The following MTSS2 variants were observed in gnomAD, a reference collection of about 807,000 sequenced individuals.
MTSS2 encodes protein MTSS 2.
MTSS2 carries 27 observed loss-of-function variants against 67.1 expected under a neutral mutation model. The observed-to-expected ratio is 0.40, with a 90% CI of 0.30 to 0.55. MTSS2 has a LOEUF of 0.55. Among genes scored for constraint, MTSS2 ranks in the 20% least tolerant of loss-of-function variants. The pLI, the probability that MTSS2 is intolerant of heterozygous loss-of-function variation, is 0.43. For synonymous variants in MTSS2, 624 were observed against 468.6 expected (o/e 1.33, Z -4.28); for missense variants, 1,171 against 1,067.8 (o/e 1.10, Z -1.35).
chr16:70,677,338 G>C (rs947999481), intron 9 of MTSS2, among the ~76,000 whole-genome samples: 1 of 152,196 alleles, frequency 6.6e-6, no homozygotes. Context: ...TGCTGGGCAT[G>C]CAACAAGTGC....
intron 11 of MTSS2, chr16:70,665,938 C>G (rs537272797): frequency 1.6e-4 from 28 of 179,282 alleles, no homozygotes; most frequent in Non-Finnish European, 2.9e-4. Flanking sequence ...TGTGAAGCCC[C>G]GAGTGCCACG....
In MTSS2 at chr16:70,663,469, T is replaced by A; in HGVS notation, c.*208A>T. 1 of 953,280 alleles carries A rather than the reference T, an allele frequency of 1.0e-6. No homozygotes were observed. Among genetic ancestry groups the A allele is most frequent in the South Asian group, 1.8e-5 (1 of 54,668 alleles). 59.1% of individuals were successfully genotyped at this position (953,280 alleles called of 1,614,324 possible). A position where few individuals can be genotyped will look rare whatever the true frequency, so the allele number is the denominator to read the frequency against. ...ACAGACCCCGAACCAGGCCCAGGCC[T>A]GCAGGCTCCGTCCTGGCCAGGCTTG... On this transcript the variant is annotated 3_prime_UTR_variant, in exon 15 of 15. Transcript: ENST00000338779.
In MTSS2 at chr16:70,679,303, C is replaced by A. The variant is rs779928196; in HGVS notation, c.466+12G>T. 6.2e-7 allele frequency: 1 copy of A among 1,613,890 alleles called. No homozygotes were observed. The highest frequency in any genetic ancestry group is 8.5e-7 in the Non-Finnish European group (1 of 1,179,926). On this transcript the variant is annotated intron_variant, in intron 7 of 14. Transcript: ENST00000338779. ...CGGGAGGAGCAGCTGGAGGGACCGACATTTGACTTACCAAGTAGCTCTACA... is the reference window on the plus strand; with the variant it reads ...CGGGAGGAGCAGCTGGAGGGACCGAAATTTGACTTACCAAGTAGCTCTACA...
intron 1 of MTSS2, among the ~76,000 whole-genome samples, chr16:70,681,455 G>T (rs1024126936): frequency 1.3e-5 from 2 of 152,248 alleles, no homozygotes; most frequent in Non-Finnish European, 2.9e-5. Flanking sequence ...GCCCACCAGG[G>T]GCAGAGGCAC....
chr16:70,665,575 G>A (rs774740813), intron 11 of MTSS2, 35 bp from the exon 12 acceptor site: 1 of 1,529,450 alleles, frequency 6.5e-7, no homozygotes, highest in South Asian at 1.2e-5. Context: ...GTTGCAGACA[G>A]AGGGGCCGGC....
intron 11 of MTSS2, 76 bp downstream of exon 11, chr16:70,674,215 AACAGCTATAGTAGTC>A: frequency 3.8e-6 from 3 of 798,450 alleles, no homozygotes; most frequent in Non-Finnish European, 5.5e-6. Context: ...TAGTAGTCTC[AACAGCTATAGTAGTC>A]CCGCATGTGG....
rs527536386 is a variant in MTSS2 at position 70,685,625 on chromosome 16, G to T, written c.69+98C>A. 9.6e-4 allele frequency: 653 copies of T among 681,880 alleles called. 2 individuals carry two copies. Among genetic ancestry groups the T allele is most frequent in the Admixed American group, 3.8e-3 (68 of 17,870 alleles). The allele number at this position is 681,880 out of a possible 1,614,324, so 42.2% of individuals were successfully genotyped here. A position where few individuals can be genotyped will look rare whatever the true frequency, so the allele number is the denominator to read the frequency against. ...TCAGACAAGGACACACAGACACCGC[G>T]GCGCGCGGCCACACGAGGCTCGGCC... On this transcript the variant is annotated intron_variant, in intron 1 of 14. Transcript: ENST00000338779.
intron 11 of MTSS2, among the ~76,000 whole-genome samples, chr16:70,669,540 G>T (rs915457861): frequency 6.6e-6 from 1 of 152,024 alleles, no homozygotes; most frequent in African/African-American, 2.4e-5. Flanking sequence ...TGAAAGCTGG[G>T]CATGGTGGCT....
chr16:70,680,698 C>T, intron 3 of MTSS2, 96 bp downstream of exon 3: 5 of 1,102,802 alleles, frequency 4.5e-6, no homozygotes, highest in South Asian at 1.5e-5. Flanking sequence ...CTGGGCTTGG[C>T]GTCCCGTCCT....
chr16:70,667,500 T>G (rs2052761122), intron 11 of MTSS2, among the ~76,000 whole-genome samples: 1 of 152,096 alleles, frequency 6.6e-6, no homozygotes, highest in Non-Finnish European at 1.5e-5. Context: ...AACATCAGTG[T>G]AATTTACGAT....
rs1461395725 is a variant in MTSS2 at position 70,679,665 on chromosome 16, G to A, written c.422C>T (p.Ser141Leu). 23 of 1,610,400 alleles carry A rather than the reference G, an allele frequency of 1.4e-5. No individual in the cohort carries two copies. Among genetic ancestry groups the A allele is most frequent in the East Asian group, 2.2e-5 (1 of 44,790 alleles). The part of the protein sequence containing the change: ...RARHEIKKKS[S>L]DTLKLQKKAR... ...CTTCTTCTGCAGCTTCAGCGTGTCCGACGACTTCTTTTTGATCTCATGCCG... is the reference window on the plus strand; with the variant it reads ...CTTCTTCTGCAGCTTCAGCGTGTCCAACGACTTCTTTTTGATCTCATGCCG... Residue 141 changes from serine to leucine, a missense_variant, in exon 6 of 15, where the codon TCG becomes TTG. By Grantham distance (145) the Ser-to-Leu change is moderately radical. This residue lies in a region of MTSS2 where 247 missense variants were observed against 311.8 expected (regional missense o/e 0.79). Coordinates refer to ENST00000338779, the MANE Select transcript of MTSS2 (RefSeq NM_138383.3).
At position 70,662,503 on chromosome 16, in the gene MTSS2, C is replaced by G. The variant is rs1202830425; in HGVS notation, c.*1174G>C. The G allele has an allele frequency of 1.3e-5, 2 of 152,404 alleles. No individual in the cohort carries two copies. The highest frequency in any genetic ancestry group is 2.9e-5 in the Non-Finnish European group (2 of 68,206). 9.4% of individuals were successfully genotyped at this position (152,404 alleles called of 1,614,324 possible). On this transcript the variant is annotated 3_prime_UTR_variant, in exon 15 of 15. Transcript: ENST00000338779. ...CAAAGCCAATCTTCCCAGACTCGCT[C>G]CCCCACCTGGGCTTGCAGCCAGCTC...
chr16:70,669,189 T>C (rs2052831944), intron 11 of MTSS2, among the ~76,000 whole-genome samples: 1 of 152,090 alleles, frequency 6.6e-6, no homozygotes, highest in Non-Finnish European at 1.5e-5. Flanking sequence ...AACTAAGAAC[T>C]TCTGGTCATT....
At chr16:70,677,739 G>A in intron 9 of MTSS2, 53 bp downstream of exon 9, 2 of 1,413,776 alleles carry the variant, frequency 1.4e-6, no homozygotes, top group Middle Eastern at 1.8e-4. Context: ...ACCTAGGGCA[G>A]CCCATCTCCT....
chr16:70,666,364 A>G (rs1206184883), intron 11 of MTSS2, among the ~76,000 whole-genome samples: 1 of 152,210 alleles, frequency 6.6e-6, no homozygotes, highest in Non-Finnish European at 1.5e-5. Context: ...GGGCTGGACT[A>G]GGTGTTCTGC....
rs767996954 is a variant in MTSS2, at chr16:70,663,799, G to A, written c.2122C>T (p.Pro708Ser). ...ALSATPTEET[P>S]TPPPAATSDP... The stretch of plus-strand genomic sequence containing the variant: ...CTGGTGGCGGCTGGGGGTGGGGTGG[G>A]CGTCTCCTCCGTGGGGGTGGCCGAC... The change falls in exon 15 of 15, where the codon CCC becomes TCC. Residue 708 changes from proline (P) to serine (S), a missense_variant. By Grantham distance (74) the Pro-to-Ser change is moderately conservative. Transcript: ENST00000338779. The A allele has an allele frequency of 6.6e-7, 1 of 1,521,818 alleles. No homozygotes were observed. The highest frequency in any genetic ancestry group is 1.2e-5 in the South Asian group (1 of 81,576). 94.3% of individuals were successfully genotyped at this position (1,521,818 alleles called of 1,614,324 possible). A position where few individuals can be genotyped will look rare whatever the true frequency, so the allele number is the denominator to read the frequency against.
intron 11 of MTSS2, among the ~76,000 whole-genome samples, chr16:70,669,146 C>G (rs145718300): frequency 5.7e-4 from 86 of 152,158 alleles, no homozygotes; most frequent in African/African-American, 2.0e-3. Flanking sequence ...ATAGCACTAA[C>G]AATTTAAAAA....
At chr16:70,681,062 G>C (rs755674094) in intron 1 of MTSS2, 37 bp from the exon 2 acceptor site, 3 of 1,584,704 alleles carry the variant, frequency 1.9e-6, no homozygotes, top group Non-Finnish European at 8.6e-7. Context: ...AGCTTCTTGT[G>C]GGGTGGTTGC....
chr16:70,679,463 T>C (rs2053226864), intron 6 of MTSS2, 140 bp from the exon 7 acceptor site: 4 of 1,264,774 alleles, frequency 3.2e-6, no homozygotes, highest in Non-Finnish European at 4.5e-6. Flanking sequence ...CTGGACCAGG[T>C]TTGGGGGGAA....
Sources: allele counts gnomAD v4.1 joint callset (sites outside exome capture counted in the v4.1 genomes callset), GRCh38; gene constraint gnomAD v4.1.1; regional missense constraint gnomAD v4.1.1; transcripts MANE v1.5; gene names NCBI Gene and HGNC (gene_info 2026-07-23, HGNC 2026-07-21).